The following NRXN2 variants were observed in gnomAD, a reference collection of about 807,000 sequenced individuals.
NRXN2 encodes neurexin 2.
In NRXN2, 29 loss-of-function variants were observed where a neutral mutation model predicts 128.8. The observed-to-expected ratio is 0.23, with a 90% CI of 0.17 to 0.31. The LOEUF is 0.31. Among genes scored for constraint, NRXN2 ranks in the 10% least tolerant of loss-of-function variants. The pLI, the probability that NRXN2 is intolerant of heterozygous loss-of-function variation, is 1.00. For synonymous variants in NRXN2, 1,098 were observed against 1,075.2 expected (o/e 1.02, Z -0.41); for missense variants, 1,881 against 2,452.6 (o/e 0.77, Z 4.92).
chr11:64,633,173 C>A (rs1365424501), intron 18 of NRXN2, among the ~76,000 whole-genome samples: 1 of 152,228 alleles, frequency 6.6e-6, no homozygotes, highest in Non-Finnish European at 1.5e-5. Context: ...GGCCTGTTCA[C>A]AACTGTTGGG....
intron 2 of NRXN2, among the ~76,000 whole-genome samples, chr11:64,700,313 G>C (rs1369617422): frequency 6.6e-6 from 1 of 152,142 alleles, no homozygotes; most frequent in African/African-American, 2.4e-5. Context: ...CTCCACCACT[G>C]AAGCCATTCT....
chr11:64,642,568 C>A lies in NRXN2; in HGVS notation c.3403+5651G>T, dbSNP rs773210436. On this transcript the variant is annotated intron_variant, in intron 17 of 22. Coordinates refer to ENST00000265459, the MANE Select transcript of NRXN2 (RefSeq NM_015080.4). ...GCCGCCGCGGGTGAGGAAGGGCATGCGGTTGATGGCGATGGGCACGGTGCC... is the reference window on the plus strand; with the variant it reads ...GCCGCCGCGGGTGAGGAAGGGCATGAGGTTGATGGCGATGGGCACGGTGCC... 4 of 1,610,150 alleles carry A rather than the reference C, an allele frequency of 2.5e-6. No individual in the cohort carries two copies. The Admixed American group carries it at 6.7e-5, about 27-fold the overall frequency.
chr11:64,717,054 T>C (rs1356336035), intron 1 of NRXN2, among the ~76,000 whole-genome samples: 2 of 152,056 alleles, frequency 1.3e-5, no homozygotes, highest in East Asian at 1.9e-4. Flanking sequence ...CCTGAGCTCC[T>C]GGAACTTAGC....
intron 17 of NRXN2, among the ~76,000 whole-genome samples, chr11:64,647,071 T>G (rs1460223417): frequency 6.6e-6 from 1 of 152,026 alleles, no homozygotes; most frequent in Non-Finnish European, 1.5e-5. Context: ...CATGCCCAGG[T>G]GATGAAGGTC....
In NRXN2 at chr11:64,713,783, G is replaced by A. The variant is rs1308799829; in HGVS notation, c.-84C>T. The A allele has an allele frequency of 1.0e-5, 8 of 790,742 alleles. No individual in the cohort carries two copies. Among genetic ancestry groups the A allele is most frequent in the Non-Finnish European group, 1.2e-5 (8 of 647,622 alleles). The allele number at this position is 790,742 out of a possible 1,614,324, so 49.0% of individuals were successfully genotyped here. On this transcript the variant is annotated 5_prime_UTR_variant, in exon 2 of 23. Coordinates refer to ENST00000265459, the MANE Select transcript of NRXN2 (RefSeq NM_015080.4). ...GGGCGCATGGGGCGGGAGGGGGCCG[G>A]GCGCTCCCCGCGCTGAGCGGGGCTC...
At chr11:64,655,920 A>T (rs943775328) in intron 11 of NRXN2, among the ~76,000 whole-genome samples, 1 of 152,222 alleles carries the variant, frequency 6.6e-6, no homozygotes, top group Admixed American at 6.5e-5. Flanking sequence ...CCTCAAGTGC[A>T]GGGAATAGGC....
chr11:64,673,005 A>T (rs2050826975), intron 7 of NRXN2, among the ~76,000 whole-genome samples: 1 of 152,178 alleles, frequency 6.6e-6, no homozygotes, highest in Non-Finnish European at 1.5e-5. Context: ...CTGTGACAGG[A>T]GTTTAACAAC....
intron 5 of NRXN2, among the ~76,000 whole-genome samples, chr11:64,689,362 G>A (rs2053522346): frequency 6.6e-6 from 1 of 151,932 alleles, no homozygotes; most frequent in Non-Finnish European, 1.5e-5. Flanking sequence ...GAGCCACCGT[G>A]CCTGGCCTCA....
chr11:64,685,688 G>T lies in NRXN2; in HGVS notation c.1110C>A (p.Asp370Glu). ...TGACCCGGACGTCGTGCCAGGCGTT[G>T]TCGTTGAACTTGCCATTGACGGGTT... ...LVEPVNGKFNDNAWHDVRVTR... is the reference protein window; with the variant it reads ...LVEPVNGKFNENAWHDVRVTR... The change falls in exon 6 of 23, where the codon GAC becomes GAA. Residue 370 changes from aspartate (D) to glutamate (E), a missense_variant. This residue lies in a region of NRXN2 where 997 missense variants were observed against 1,240.8 expected (regional missense o/e 0.80). Transcript: ENST00000265459. 7 of 1,614,222 alleles carry T rather than the reference G, an allele frequency of 4.3e-6. No homozygotes were observed. The highest frequency in any genetic ancestry group is 5.1e-6 in the Non-Finnish European group (6 of 1,180,048).
chr11:64,624,064 G>A (rs2042747580), intron 20 of NRXN2: 1 of 152,078 alleles, frequency 6.6e-6, no homozygotes, highest in African/African-American at 2.4e-5. Flanking sequence ...GGGAGGGAGG[G>A]GGTGGGCAGA....
intron 4 of NRXN2, among the ~76,000 whole-genome samples, chr11:64,691,430 T>G (rs2053787711): frequency 6.6e-6 from 1 of 152,216 alleles, no homozygotes. Flanking sequence ...AGCACCTGGC[T>G]TCCAGGTACC....
intron 21 of NRXN2, among the ~76,000 whole-genome samples, chr11:64,621,670 C>T (rs2042368880): frequency 6.6e-6 from 1 of 152,160 alleles, no homozygotes; most frequent in African/African-American, 2.4e-5. Flanking sequence ...CCCCCAGATC[C>T]TGCCCTCACC....
intron 17 of NRXN2, among the ~76,000 whole-genome samples, chr11:64,646,894 GA>G (rs1386732289): frequency 1.3e-5 from 2 of 152,202 alleles, no homozygotes; most frequent in African/African-American, 4.8e-5. Flanking sequence ...AAAATCTTGG[GA>G]GACAGAGTGG....
chr11:64,649,226 C>T (rs373311194), intron 15 of NRXN2, among the ~76,000 whole-genome samples: 3 of 152,182 alleles, frequency 2.0e-5, no homozygotes, highest in Non-Finnish European at 2.9e-5. Context: ...GTAATCAGGG[C>T]CTTTCATAGA....
chr11:64,653,914 A>C (rs1190249411), intron 11 of NRXN2, among the ~76,000 whole-genome samples, 192 bp from the exon 12 acceptor site: 1 of 151,872 alleles, frequency 6.6e-6, no homozygotes, highest in African/African-American at 2.4e-5. Flanking sequence ...CCTGCCCCCA[A>C]GAGGGCTCCA....
At chr11:64,663,010 A>T (rs1463116577) in intron 9 of NRXN2, among the ~76,000 whole-genome samples, 1 of 152,084 alleles carries the variant, frequency 6.6e-6, no homozygotes, top group African/African-American at 2.4e-5. Flanking sequence ...GGAACCCAAG[A>T]GGGAAGAACT....
At chr11:64,609,735 G>T (rs1451969441) in intron 22 of NRXN2, among the ~76,000 whole-genome samples, 4 of 152,196 alleles carry the variant, frequency 2.6e-5, no homozygotes, top group Non-Finnish European at 4.4e-5. Context: ...TGCTCCTCTT[G>T]CAGGGGCACC....
In NRXN2 at chr11:64,667,209, G is replaced by T. The variant is rs746217067; in HGVS notation, c.1798+41C>A. ...AGAGGATGTCAGGGCAGATGGAAAG[G>T]GGTGGCCCATGGAAGGGGAAGGGTC... On this transcript the variant is annotated intron_variant, in intron 9 of 22. Transcript: ENST00000265459. The surrounding 1 kb of genome is among the most constrained non-coding windows in gnomAD (Gnocchi z 5.6). The T allele has an allele frequency of 6.3e-7, 1 of 1,597,590 alleles. No individual in the cohort carries two copies. Among genetic ancestry groups the T allele is most frequent in the Non-Finnish European group, 8.6e-7 (1 of 1,165,644 alleles).
intron 17 of NRXN2, chr11:64,642,854 C>T: frequency 3.0e-6 from 3 of 1,011,650 alleles, no homozygotes; most frequent in Non-Finnish European, 3.5e-6. Context: ...GGCGGGGACG[C>T]GGGGCTGCGC....
Sources: gnomAD v4.1 joint callset for allele counts (sites outside exome capture counted in the v4.1 genomes callset) on GRCh38, gnomAD v4.1.1 for gene constraint, gnomAD v4.1.1 regional missense constraint, Gnocchi (gnomAD v3.1) non-coding constraint, MANE v1.5 for transcripts, NCBI Gene and HGNC (gene_info 2026-07-23, HGNC 2026-07-21) for gene names.